Variants in HPSE2 observed in about 807,000 individuals in gnomAD.
The protein encoded by HPSE2 is heparanase 2 (inactive).
A neutral mutation model predicts 60.5 loss-of-function variants in HPSE2; 38 were observed. The observed-to-expected ratio is 0.63, with a 90% CI of 0.48 to 0.82. HPSE2 has a LOEUF of 0.82. Ranked by LOEUF, HPSE2 falls within the 40% of genes least tolerant of loss-of-function variation. The probability of loss-of-function intolerance (pLI) is 0.00; values close to 1 mark genes in which losing one functional copy is unlikely to be tolerated. For missense variants in HPSE2, 713 were observed against 740.4 expected, an observed-to-expected ratio of 0.96 and a Z score of 0.43; for synonymous variants, 295 against 293.2, an observed-to-expected ratio of 1.01 and a Z score of -0.06.
chr10:98,651,498 A>G (rs1411853414), intron 6 of HPSE2, among the ~76,000 whole-genome samples: 2 of 152,194 alleles, frequency 1.3e-5, no homozygotes, highest in Non-Finnish European at 2.9e-5. Flanking sequence ...TCCGTAACAA[A>G]ATGTTTCTTT....
chr10:98,749,882 G>A (rs917821418), intron 3 of HPSE2, among the ~76,000 whole-genome samples: 1 of 144,040 alleles, frequency 6.9e-6, no homozygotes, highest in African/African-American at 2.5e-5. Flanking sequence ...ATAAGTTGAG[G>A]AGCATCTGCA....
chr10:98,501,471 C>T (rs978770520), intron 9 of HPSE2, among the ~76,000 whole-genome samples: 3 of 152,138 alleles, frequency 2.0e-5, no homozygotes, highest in Non-Finnish European at 4.4e-5. Context: ...TCAATAGATG[C>T]AGAAAAAGCA....
At chr10:98,977,759 T>G (rs1180368893) in intron 3 of HPSE2, among the ~76,000 whole-genome samples, 2 of 152,072 alleles carry the variant, frequency 1.3e-5, no homozygotes, top group Non-Finnish European at 2.9e-5. Flanking sequence ...CAAAAGTTAT[T>G]GTATTCTCAT....
chr10:99,257,847 G>C, the HPSE2 span, among the ~76,000 whole-genome samples: 1 of 152,066 alleles, frequency 6.6e-6, no homozygotes, highest in Non-Finnish European at 1.5e-5. Flanking sequence ...TGTTGCCCCT[G>C]GATACCCAGC....
At chr10:98,988,559 C>T (rs1291539380) in intron 3 of HPSE2, among the ~76,000 whole-genome samples, 1 of 151,840 alleles carries the variant, frequency 6.6e-6, no homozygotes. Context: ...AAAATCTAGG[C>T]ATTACCATTC....
intron 3 of HPSE2, among the ~76,000 whole-genome samples, chr10:98,882,344 A>T (rs1445145799): frequency 7.9e-5 from 12 of 152,066 alleles, no homozygotes; most frequent in Admixed American, 7.9e-4. Flanking sequence ...GCAATAATTG[A>T]TTAATATACT....
At chr10:98,578,539 C>T (rs533152215) in intron 9 of HPSE2, among the ~76,000 whole-genome samples, 1 of 151,978 alleles carries the variant, frequency 6.6e-6, no homozygotes, top group African/African-American at 2.4e-5. Context: ...TTAATAGGAA[C>T]AAAAATGTTC....
intron 3 of HPSE2, among the ~76,000 whole-genome samples, chr10:99,020,275 T>C (rs1433664629): frequency 6.6e-6 from 1 of 152,142 alleles, no homozygotes; most frequent in South Asian, 2.1e-4. Flanking sequence ...TTGAAATAAA[T>C]ATATAATTCA....
At chr10:99,130,636 A>AG (rs1305297001) in intron 3 of HPSE2, among the ~76,000 whole-genome samples, 4 of 152,098 alleles carry the variant, frequency 2.6e-5, no homozygotes, top group African/African-American at 9.7e-5. Flanking sequence ...TAGGAAGGGG[A>AG]GGGGGGCGTC....
At chr10:99,046,549 C>T (rs1469824034) in intron 3 of HPSE2, among the ~76,000 whole-genome samples, 1 of 152,068 alleles carries the variant, frequency 6.6e-6, no homozygotes, top group Non-Finnish European at 1.5e-5. Context: ...TCTCTCTTTG[C>T]TGCCGATATG....
chr10:98,567,484 A>G (rs947104928), intron 9 of HPSE2, among the ~76,000 whole-genome samples: 1 of 152,148 alleles, frequency 6.6e-6, no homozygotes, highest in Non-Finnish European at 1.5e-5. Flanking sequence ...ACAGGTATTA[A>G]ATGTTTTGTG....
At chr10:98,900,304 A>G (rs551774114) in intron 3 of HPSE2, among the ~76,000 whole-genome samples, 1 of 152,312 alleles carries the variant, frequency 6.6e-6, no homozygotes, top group South Asian at 2.1e-4. Context: ...TACGGAGTAA[A>G]AGAAGCCAAA....
chr10:99,103,129 C>A (rs1018794878), intron 3 of HPSE2, among the ~76,000 whole-genome samples: 1 of 152,104 alleles, frequency 6.6e-6, no homozygotes, highest in Non-Finnish European at 1.5e-5. Flanking sequence ...GAAGTTCTGG[C>A]CAGGGCAATT....
At chr10:98,924,251 G>A (rs1253567872) in intron 3 of HPSE2, among the ~76,000 whole-genome samples, 1 of 152,182 alleles carries the variant, frequency 6.6e-6, no homozygotes, top group African/African-American at 2.4e-5. Context: ...CGAACCACCT[G>A]GAACTGGGGG....
intron 3 of HPSE2, among the ~76,000 whole-genome samples, chr10:98,965,402 G>T (rs1589436812): frequency 6.6e-6 from 1 of 150,802 alleles, no homozygotes; most frequent in Non-Finnish European, 1.5e-5. Flanking sequence ...GATAAATAAG[G>T]ATGTTTTCAA....
intron 2 of HPSE2, among the ~76,000 whole-genome samples, chr10:99,226,625 T>C (rs1849483426): frequency 6.6e-6 from 1 of 152,128 alleles, no homozygotes; most frequent in African/African-American, 2.4e-5. Context: ...ATCTGTCAAT[T>C]TCTTCAGTGA....
chr10:99,059,738 G>A (rs1332879013), intron 3 of HPSE2, among the ~76,000 whole-genome samples: 2 of 152,170 alleles, frequency 1.3e-5, no homozygotes, highest in African/African-American at 4.8e-5. Context: ...ATTTATAACT[G>A]TTAAGTGTTT....
chr10:98,739,449 A>G (rs1198938139), intron 4 of HPSE2, among the ~76,000 whole-genome samples: 1 of 145,560 alleles, frequency 6.9e-6, no homozygotes, highest in Non-Finnish European at 1.5e-5. Context: ...CTGCACATGT[A>G]AAAAAAAAAA....
Position 99,144,244 on chromosome 10 carries a change from A to G in HPSE2, c.604T>C (p.Leu202=), listed in dbSNP as rs764604954. 7.4e-6 allele frequency: 12 copies of G among 1,613,782 alleles called. No individual in the cohort carries two copies. The Admixed American group carries it at 1.8e-4, about 25-fold the overall frequency. ...CCAACTCCAATAGCCTTACCTGTTA[A>G]TATGAGATTACTGTAAGTATTGGAG... is the stretch of plus-strand genomic sequence containing the variant. ...QFSNTYSNLI[L]TARSLDKLYN... Residue 202 remains leucine, a synonymous_variant, in exon 3 of 12, where the codon TTA becomes CTA. Coordinates refer to ENST00000370552, the MANE Select transcript of HPSE2 (RefSeq NM_021828.5).
Sources: allele counts gnomAD v4.1 joint callset (sites outside exome capture counted in the v4.1 genomes callset), GRCh38; gene constraint gnomAD v4.1.1; transcripts MANE v1.5; gene names NCBI Gene and HGNC (gene_info 2026-07-23, HGNC 2026-07-21).